The following VPS35 variants were observed in gnomAD, a reference collection of about 807,000 sequenced individuals.
VPS35 encodes the protein VPS35 retromer complex component.
Under a neutral mutation model 98.1 loss-of-function variants are expected in VPS35, and 21 were observed. The observed-to-expected ratio is 0.21, with a 90% CI of 0.15 to 0.31. The LOEUF is 0.31. Ranked by LOEUF, VPS35 falls within the 10% of genes least tolerant of loss-of-function variation. The pLI, the probability that VPS35 is intolerant of heterozygous loss-of-function variation, is 1.00. For synonymous variants in VPS35, 268 were observed against 318.2 expected (o/e 0.84, Z 1.68); for missense variants, 554 against 950.8 (o/e 0.58, Z 5.49).
In VPS35 at chr16:46,679,264, T is replaced by C. The variant is rs1966196035; in HGVS notation, c.507-108A>G. On this transcript the variant is annotated intron_variant, in intron 5 of 16. Transcript: ENST00000299138. The stretch of plus-strand genomic sequence containing the variant: ...ATCTCTATAGTACACCAATGCTTTA[T>C]AAAAAATCACTTTCAACTTCATTGG... 10 of 1,042,854 alleles carry C rather than the reference T, an allele frequency of 9.6e-6. No homozygotes were observed. The East Asian group carries it at 1.3e-4, about 14-fold the overall frequency. The allele number at this position is 1,042,854 out of a possible 1,614,324, so 64.6% of individuals were successfully genotyped here.
At chr16:46,688,931 G>A in intron 1 of VPS35, 200 bp downstream of exon 1, 4 of 1,471,204 alleles carry the variant, frequency 2.7e-6, no homozygotes, top group Non-Finnish European at 3.6e-6. Context: ...GCAGCCAAGA[G>A]CCGCCGCCCA....
Position 46,658,210 on chromosome 16 carries a change from A to G in VPS35, c.*2262T>C, listed in dbSNP as rs184888157. 7.8e-5 allele frequency: 12 copies of G among 153,538 alleles called. No individual in the cohort carries two copies. The highest frequency in any genetic ancestry group is 2.9e-4 in the African/African-American group (12 of 41,564). The allele number at this position is 153,538 out of a possible 1,614,324, so 9.5% of individuals were successfully genotyped here. A position where few individuals can be genotyped will look rare whatever the true frequency, so the allele number is the denominator to read the frequency against. On this transcript the variant is annotated 3_prime_UTR_variant, in exon 17 of 17. Coordinates refer to ENST00000299138, the MANE Select transcript of VPS35 (RefSeq NM_018206.6). The stretch of plus-strand genomic sequence containing the variant: ...AATAAACTATTGGACTTGATGTTCC[A>G]TGAGAATTCATACAACCCTCTGCAG...
chr16:46,668,545 G>T (rs1468522657), intron 13 of VPS35, among the ~76,000 whole-genome samples: 1 of 152,096 alleles, frequency 6.6e-6, no homozygotes, highest in East Asian at 1.9e-4. Context: ...GAAGAAAAAA[G>T]CTCATAAAAA....
rs1300096057 is a variant in VPS35, at chr16:46,683,951, C to T, written c.4-345G>A. 2.0e-5 allele frequency among the ~76,000 whole-genome samples: 3 copies of T among 152,182 alleles called. No individual in the cohort carries two copies. In the East Asian group the frequency reaches 5.8e-4, roughly 29 times the overall value. ...CCATGTTAGCCAGGATAGTCTCCAT[C>T]TCCTGACCTCGTGATTCGCCTGCCT... On this transcript the variant is annotated intron_variant, in intron 1 of 16. Coordinates refer to ENST00000299138, the MANE Select transcript of VPS35 (RefSeq NM_018206.6).
intron 7 of VPS35, 37 bp downstream of exon 7, chr16:46,677,278 T>C (rs1183884791): frequency 1.9e-6 from 3 of 1,558,706 alleles, no homozygotes; most frequent in Non-Finnish European, 2.7e-6. Flanking sequence ...AAAGATAAAA[T>C]AGGTCGTTTA....
At chr16:46,677,614 C>G in intron 6 of VPS35, 2 of 523,458 alleles carry the variant, frequency 3.8e-6, no homozygotes. Flanking sequence ...CCACTCAATG[C>G]AACATCCACC....
chr16:46,681,134 T>C (rs1232999832), intron 4 of VPS35, among the ~76,000 whole-genome samples: 1 of 151,820 alleles, frequency 6.6e-6, no homozygotes. Flanking sequence ...ATTTTTCTAA[T>C]AGTCAAGACA....
intron 13 of VPS35, 104 bp downstream of exon 13, chr16:46,668,826 T>C: frequency 6.7e-7 from 1 of 1,502,410 alleles, no homozygotes; most frequent in Non-Finnish European, 9.1e-7. Context: ...TACCACTGTC[T>C]ATTTTTGTAC....
rs1017258198 is a variant in VPS35 at position 46,661,963 on chromosome 16, A to G, written c.2068-102T>C. On this transcript the variant is annotated intron_variant, in intron 15 of 16. Transcript: ENST00000299138. This position sits in a 1 kb window ranked among gnomAD's most constrained non-coding sequence, Gnocchi z 4.3. The stretch of plus-strand genomic sequence containing the variant: ...CGTGGCTCTTTCGTGTTTTAAAGGG[A>G]CATAACAAATTTAAATCCTTTTCAT... 4.2e-5 allele frequency: 64 copies of G among 1,505,888 alleles called. No individual in the cohort carries two copies. The Admixed American group carries it at 1.2e-3, about 28-fold the overall frequency. 93.3% of individuals were successfully genotyped at this position (1,505,888 alleles called of 1,614,324 possible). A position where few individuals can be genotyped will look rare whatever the true frequency, so the allele number is the denominator to read the frequency against.
intron 13 of VPS35, among the ~76,000 whole-genome samples, chr16:46,667,648 G>A (rs1383363782): frequency 6.6e-6 from 1 of 151,966 alleles, no homozygotes; most frequent in Non-Finnish European, 1.5e-5. Flanking sequence ...TTTCTTCTAG[G>A]AGCTTTATGG....
intron 10 of VPS35, chr16:46,673,971 TTGTTAG>T (rs1192667642): frequency 4.1e-6 from 1 of 244,370 alleles, no homozygotes; most frequent in Non-Finnish European, 8.0e-6. Context: ...TCATCAGCTA[TTGTTAG>T]TGTTAGTGTA....
rs1190647376 is a variant in VPS35 at position 46,657,613 on chromosome 16, C to CT, written c.*2858dup. The stretch of plus-strand genomic sequence containing the variant: ...TTTGAGCAGTGTCTATCAGCAGGGG[C>CT]TGTTTTTGCAGTTCATTAACCTGAT... On this transcript the variant is annotated 3_prime_UTR_variant, in exon 17 of 17. Transcript: ENST00000299138. The CT allele has an allele frequency of 6.6e-6, 1 of 152,112 alleles. No homozygotes were observed. Among genetic ancestry groups the CT allele is most frequent in the Non-Finnish European group, 1.5e-5 (1 of 68,060 alleles). 9.4% of individuals were successfully genotyped at this position (152,112 alleles called of 1,614,324 possible).
intron 13 of VPS35, among the ~76,000 whole-genome samples, chr16:46,665,109 A>C (rs1352036334): frequency 1.3e-5 from 2 of 152,228 alleles, no homozygotes; most frequent in East Asian, 3.8e-4. Flanking sequence ...AGTAATTCAC[A>C]CTGCCAACAT....
At chr16:46,679,797 A>T (rs991679405) in intron 5 of VPS35, among the ~76,000 whole-genome samples, 1 of 152,230 alleles carries the variant, frequency 6.6e-6, no homozygotes, top group African/African-American at 2.4e-5. Flanking sequence ...TCAAAACATA[A>T]TAAAGCAAGT....
chr16:46,688,749 C>G (rs1966365920), intron 1 of VPS35: 4 of 1,229,086 alleles, frequency 3.3e-6, no homozygotes, highest in Non-Finnish European at 3.1e-6. Context: ...CTCCGAGTCT[C>G]AGGGCCTCCA....
intron 8 of VPS35, among the ~76,000 whole-genome samples, chr16:46,676,076 A>AC (rs1412584196): frequency 6.6e-6 from 1 of 151,254 alleles, no homozygotes; most frequent in East Asian, 1.9e-4. Context: ...AAAAAAAAAA[A>AC]AAAAAAAAAA....
rs184960717 is a variant in VPS35, at chr16:46,661,780, C to T, written c.2149G>A (p.Val717Met). The change falls in exon 16 of 17, where the codon GTG (valine) becomes ATG (methionine). Residue 717 changes from valine to methionine, a missense_variant. By Grantham distance (21) the Val-to-Met change is conservative. Coordinates refer to ENST00000299138, the MANE Select transcript of VPS35 (RefSeq NM_018206.6). The surrounding 1 kb of genome is among the most constrained non-coding windows in gnomAD (Gnocchi z 4.3). Reference protein sequence around the residue: ...ANQCMDPSLQVQLFIEILNRY... With the variant: ...ANQCMDPSLQMQLFIEILNRY... ...TTCAGAATTTCTATAAAAAGCTGCA[C>T]TTGTAGAGAGGGGTCCATGCACTGA... is the stretch of plus-strand genomic sequence containing the variant. 7 of 1,613,980 alleles carry T rather than the reference C, an allele frequency of 4.3e-6. No homozygotes were observed. The highest frequency in any genetic ancestry group is 1.3e-5 in the African/African-American group (1 of 75,006).
rs1246092520 is a variant in VPS35, at chr16:46,681,275, A to C, written c.323+102T>G. On this transcript the variant is annotated intron_variant, in intron 4 of 16. Coordinates refer to ENST00000299138, the MANE Select transcript of VPS35 (RefSeq NM_018206.6). The stretch of plus-strand genomic sequence containing the variant: ...CCAAAATGTTCATCTCAATTTGTTA[A>C]GAAGTTACCCTTAAAACTTTTTCTT... The C allele has an allele frequency of 3.3e-6, 5 of 1,504,506 alleles. No individual in the cohort carries two copies. In the African/African-American group the frequency reaches 4.1e-5, roughly 12 times the overall value. 93.2% of individuals were successfully genotyped at this position (1,504,506 alleles called of 1,614,324 possible). A position where few individuals can be genotyped will look rare whatever the true frequency, so the allele number is the denominator to read the frequency against.
intron 1 of VPS35, among the ~76,000 whole-genome samples, chr16:46,685,802 C>T (rs993631955): frequency 5.3e-5 from 8 of 152,084 alleles, no homozygotes; most frequent in African/African-American, 1.9e-4. Context: ...TCATTAAGTT[C>T]AATTGATCCA....
Sources: gnomAD v4.1 joint callset for allele counts (sites outside exome capture counted in the v4.1 genomes callset) on GRCh38, gnomAD v4.1.1 for gene constraint, Gnocchi (gnomAD v3.1) non-coding constraint, MANE v1.5 for transcripts, NCBI Gene and HGNC (gene_info 2026-07-23, HGNC 2026-07-21) for gene names.